PIEZO2: variants seen among roughly 807,000 people sequenced by gnomAD.
The protein encoded by PIEZO2 is piezo type mechanosensitive ion channel component 2.
Under a neutral mutation model 337.3 loss-of-function variants are expected in PIEZO2, and 172 were observed. That is an observed-to-expected ratio of 0.51 (90% CI 0.45 to 0.58). The LOEUF is 0.58. Ranked by LOEUF, PIEZO2 falls within the 20% of genes least tolerant of loss-of-function variation. PIEZO2 has a pLI of 0.00. For missense variants in PIEZO2, 3,028 were observed against 3,391.3 expected (o/e 0.89, Z 2.66); for synonymous variants, 1,251 against 1,228.5 (o/e 1.02, Z -0.38).
chr18:11,115,584 G>A (rs1198013633), intron 1 of PIEZO2, among the ~76,000 whole-genome samples: 1 of 152,128 alleles, frequency 6.6e-6, no homozygotes, highest in East Asian at 1.9e-4. Context: ...ACTAATAAGA[G>A]AAGAATGCAG....
Position 10,929,861 on chromosome 18 carries a change from T to G in PIEZO2, c.287-18633A>C, listed in dbSNP as rs1170601451. On this transcript the variant is annotated intron_variant, in intron 3 of 55. Coordinates refer to ENST00000674853, the MANE Select transcript of PIEZO2 (RefSeq NM_001378183.1). This position sits in a 1 kb window ranked among gnomAD's most constrained non-coding sequence, Gnocchi z 5.6. ...AAGGCCCCCAAGAGACTGAATGGACTGCCCCTCAGCCCAGGAGGCCCAAAG... is the reference window on the plus strand; with the variant it reads ...AAGGCCCCCAAGAGACTGAATGGACGGCCCCTCAGCCCAGGAGGCCCAAAG... 6.6e-6 allele frequency among the ~76,000 whole-genome samples: 1 copy of G among 152,166 alleles called. No homozygotes were observed. The highest frequency in any genetic ancestry group is 2.4e-5 in the African/African-American group (1 of 41,430).
chr18:10,847,212 C>G lies in PIEZO2; in HGVS notation c.917+8141G>C, dbSNP rs189421283. Among the ~76,000 whole-genome samples the G allele has an allele frequency of 1.5e-4, 23 of 152,330 alleles. No individual in the cohort carries two copies. Among genetic ancestry groups the G allele is most frequent in the Admixed American group, 2.6e-4 (4 of 15,302 alleles). Reference sequence around the variant, plus strand: ...GTGGAACCCATGTGATGCTCGCTGGCCAGATGACATGACGGCAGCCGGGGC... The same window carrying G: ...GTGGAACCCATGTGATGCTCGCTGGGCAGATGACATGACGGCAGCCGGGGC... On this transcript the variant is annotated intron_variant, in intron 7 of 55. Transcript: ENST00000674853. The surrounding 1 kb of genome is among the most constrained non-coding windows in gnomAD (Gnocchi z 5.7).
chr18:10,951,591 T>C (rs2033298344), intron 3 of PIEZO2, among the ~76,000 whole-genome samples: 1 of 152,238 alleles, frequency 6.6e-6, no homozygotes, highest in Non-Finnish European at 1.5e-5. Flanking sequence ...ATAGGTTAAA[T>C]TCTAAACTCC....
At chr18:10,934,901 A>G (rs1292413193) in intron 3 of PIEZO2, among the ~76,000 whole-genome samples, 1 of 152,164 alleles carries the variant, frequency 6.6e-6, no homozygotes, top group East Asian at 1.9e-4. Context: ...ACATAAGACA[A>G]GGACTATTAC....
At chr18:11,022,795 T>C (rs963058322) in intron 2 of PIEZO2, among the ~76,000 whole-genome samples, 1 of 152,200 alleles carries the variant, frequency 6.6e-6, no homozygotes, top group African/African-American at 2.4e-5. Flanking sequence ...GGTGGGTTCT[T>C]GGTCTCACTG....
rs2143386836 is a variant in PIEZO2 at position 10,672,560 on chromosome 18, G to A, written c.8345+130C>T. 1.0e-6 allele frequency: 1 copy of A among 976,214 alleles called. No homozygotes were observed. Among genetic ancestry groups the A allele is most frequent in the Admixed American group, 2.7e-5 (1 of 37,268 alleles). The allele number at this position is 976,214 out of a possible 1,614,324, so 60.5% of individuals were successfully genotyped here. On this transcript the variant is annotated intron_variant, in intron 55 of 55. Transcript: ENST00000674853. The surrounding 1 kb of genome is among the most constrained non-coding windows in gnomAD (Gnocchi z 4.7). ...ATTTTTTGAAATAAAATGCACACAA[G>A]GATGTGTGCATTTTAATACTGCAGC...
rs2039437838 is a variant in PIEZO2, at chr18:11,102,121, GAAAC to G, written c.65-35903_65-35900del. ...ATAGACCAAAACCCTTCTAAACTAA[GAAAC>G]AAAGAGACTGACCGTCTACCATGGT... On this transcript the variant is annotated intron_variant, in intron 1 of 55. Coordinates refer to ENST00000674853, the MANE Select transcript of PIEZO2 (RefSeq NM_001378183.1). This position sits in a 1 kb window ranked among gnomAD's most constrained non-coding sequence, Gnocchi z 5.7. Among the ~76,000 whole-genome samples the G allele has an allele frequency of 6.6e-6, 1 of 152,094 alleles. No individual in the cohort carries two copies. The highest frequency in any genetic ancestry group is 2.4e-5 in the African/African-American group (1 of 41,404).
intron 53 of PIEZO2, among the ~76,000 whole-genome samples, chr18:10,675,701 G>T (rs1384615016): frequency 6.6e-6 from 1 of 152,140 alleles, no homozygotes; most frequent in African/African-American, 2.4e-5. Context: ...TGGTTTGGTT[G>T]TGTCCCCACC....
chr18:10,772,197 T>A lies in PIEZO2; in HGVS notation c.2785+1215A>T, dbSNP rs577432920. 2.6e-5 allele frequency among the ~76,000 whole-genome samples: 4 copies of A among 152,316 alleles called. No individual in the cohort carries two copies. The South Asian group carries it at 8.3e-4, about 32-fold the overall frequency. ...TTCTGTGTTATCTGAGGTTTTAGCATCTACTGGGAGTCTTAGAACATGTCC... is the reference window on the plus strand; with the variant it reads ...TTCTGTGTTATCTGAGGTTTTAGCAACTACTGGGAGTCTTAGAACATGTCC... On this transcript the variant is annotated intron_variant, in intron 20 of 55. Transcript: ENST00000674853.
In PIEZO2 at chr18:11,083,876, CAATTA is replaced by C. The variant is rs1028742929; in HGVS notation, c.65-17659_65-17655del. On this transcript the variant is annotated intron_variant, in intron 1 of 55. Transcript: ENST00000674853. The surrounding 1 kb of genome is among the most constrained non-coding windows in gnomAD (Gnocchi z 4.4). ...ATTTTAATTAAATAATCGATCAATT[CAATTA>C]AGAGAAAGGAGAGGGCCGGGAGTGG... Among the ~76,000 whole-genome samples the C allele has an allele frequency of 6.6e-5, 10 of 152,030 alleles. No individual in the cohort carries two copies. The highest frequency in any genetic ancestry group is 2.2e-4 in the African/African-American group (9 of 41,422).
rs141050676 is a variant in PIEZO2, at chr18:10,993,748, C to G, written c.161-14088G>C. 0.033 allele frequency among the ~76,000 whole-genome samples: 5,076 copies of G among 152,192 alleles called. 148 individuals carry two copies. The highest frequency in any genetic ancestry group is 0.073 in the African/African-American group (3,012 of 41,514). ...TTCACCATGTTAGCCAGGATGGTCTCGATCTCCTGACTTCGTGATCTGCCC... is the reference window on the plus strand; with the variant it reads ...TTCACCATGTTAGCCAGGATGGTCTGGATCTCCTGACTTCGTGATCTGCCC... On this transcript the variant is annotated intron_variant, in intron 2 of 55. Coordinates refer to ENST00000674853, the MANE Select transcript of PIEZO2 (RefSeq NM_001378183.1). This position sits in a 1 kb window ranked among gnomAD's most constrained non-coding sequence, Gnocchi z 5.0.
Position 11,027,749 on chromosome 18 carries a change from C to T in PIEZO2, c.160+38378G>A, listed in dbSNP as rs1449095124. Among the ~76,000 whole-genome samples the T allele has an allele frequency of 1.3e-5, 2 of 152,188 alleles. No homozygotes were observed. The highest frequency in any genetic ancestry group is 1.9e-4 in the East Asian group (1 of 5,200). Reference sequence around the variant, plus strand: ...AGCATTAACTGAAAATAGCCATTCACTCTAACTCCAGGATTCATAGTGATC... The same window carrying T: ...AGCATTAACTGAAAATAGCCATTCATTCTAACTCCAGGATTCATAGTGATC... On this transcript the variant is annotated intron_variant, in intron 2 of 55. Transcript: ENST00000674853. This position sits in a 1 kb window ranked among gnomAD's most constrained non-coding sequence, Gnocchi z 4.2.
rs2036318910 is a variant in PIEZO2, at chr18:11,021,680, G to A, written c.161-42020C>T. 6.6e-6 allele frequency among the ~76,000 whole-genome samples: 1 copy of A among 152,158 alleles called. No homozygotes were observed. The highest frequency in any genetic ancestry group is 2.4e-5 in the African/African-American group (1 of 41,436). On this transcript the variant is annotated intron_variant, in intron 2 of 55. Transcript: ENST00000674853. The surrounding 1 kb of genome is among the most constrained non-coding windows in gnomAD (Gnocchi z 4.7). ...CAGCTCGTGCTGTAACTGCACTGAT[G>A]GAATGAATGAGAAAACCACGTCCCT...
In PIEZO2 at chr18:10,943,274, T is replaced by A. The variant is rs1436339885; in HGVS notation, c.287-32046A>T. On this transcript the variant is annotated intron_variant, in intron 3 of 55. Coordinates refer to ENST00000674853, the MANE Select transcript of PIEZO2 (RefSeq NM_001378183.1). The surrounding 1 kb of genome is among the most constrained non-coding windows in gnomAD (Gnocchi z 4.5). Reference sequence around the variant, plus strand: ...GTAGATCCACCAACAGCTTGCACCATGTGCCTGGAAAAGCCGCAGACACTC... The same window carrying A: ...GTAGATCCACCAACAGCTTGCACCAAGTGCCTGGAAAAGCCGCAGACACTC... 6.6e-6 allele frequency among the ~76,000 whole-genome samples: 1 copy of A among 152,132 alleles called. No homozygotes were observed. Among genetic ancestry groups the A allele is most frequent in the Admixed American group, 6.5e-5 (1 of 15,276 alleles).
At position 11,032,447 on chromosome 18, in the gene PIEZO2, T is replaced by C. The variant is rs1226747367; in HGVS notation, c.160+33680A>G. On this transcript the variant is annotated intron_variant, in intron 2 of 55. Transcript: ENST00000674853. The surrounding 1 kb of genome is among the most constrained non-coding windows in gnomAD (Gnocchi z 4.9). ...TTACTGAATTTCAGCTCTTGCTCTATTAGAATACGGAGCTATTCTTGGCAT... is the reference window on the plus strand; with the variant it reads ...TTACTGAATTTCAGCTCTTGCTCTACTAGAATACGGAGCTATTCTTGGCAT... 1.3e-5 allele frequency among the ~76,000 whole-genome samples: 2 copies of C among 152,234 alleles called. No homozygotes were observed. Among genetic ancestry groups the C allele is most frequent in the Non-Finnish European group, 2.9e-5 (2 of 68,042 alleles).
intron 4 of PIEZO2, 42 bp from the exon 5 acceptor site, chr18:10,871,457 T>A: frequency 4.7e-6 from 7 of 1,505,254 alleles, no homozygotes; most frequent in Non-Finnish European, 6.2e-6. Flanking sequence ...AATTTAGTTC[T>A]TATATTTCTA....
intron 24 of PIEZO2, 134 bp downstream of exon 24, chr18:10,760,777 C>T: frequency 1.3e-6 from 1 of 784,180 alleles, no homozygotes; most frequent in South Asian, 1.8e-5. Context: ...AGTACAAATA[C>T]TTTCTGTTCT....
rs1404198198 is a variant in PIEZO2 at position 10,807,187 on chromosome 18, G to A, written c.1005C>T (p.His335=). 3 of 1,537,108 alleles carry A rather than the reference G, an allele frequency of 2.0e-6. No homozygotes were observed. Among genetic ancestry groups the A allele is most frequent in the Non-Finnish European group, 2.6e-6 (3 of 1,146,858 alleles). Residue 335 remains histidine (H), a synonymous_variant, in exon 8 of 56, where the codon CAC becomes CAT. Coordinates refer to ENST00000674853, the MANE Select transcript of PIEZO2 (RefSeq NM_001378183.1). ...TCACCAGCAGGAGGATAGGGTTGGC[G>A]TGGTGGTACCACGACAGGTCCGGGT... is the stretch of plus-strand genomic sequence containing the variant. The part of the protein sequence containing the change: ...IVNPDLSWYH[H]ANPILLLVMY...
intron 2 of PIEZO2, among the ~76,000 whole-genome samples, chr18:10,981,394 A>G (rs1023370113): frequency 6.6e-6 from 1 of 152,216 alleles, no homozygotes; most frequent in African/African-American, 2.4e-5. Flanking sequence ...GTTGGGTTTA[A>G]TCCCAAAAAT....
Sources: gnomAD v4.1 joint callset for allele counts (sites outside exome capture counted in the v4.1 genomes callset) on GRCh38, gnomAD v4.1.1 for gene constraint, Gnocchi (gnomAD v3.1) non-coding constraint, MANE v1.5 for transcripts, NCBI Gene and HGNC (gene_info 2026-07-23, HGNC 2026-07-21) for gene names.